Variants in PTPRN2 observed in about 807,000 individuals in gnomAD.
PTPRN2 encodes the protein protein tyrosine phosphatase receptor type N2, also known as receptor-type tyrosine-protein phosphatase N2.
Under a neutral mutation model 118.8 loss-of-function variants are expected in PTPRN2, and 74 were observed. The ratio of observed to expected loss-of-function variants is 0.62; its 90% CI spans 0.52 to 0.76. The LOEUF is 0.76. Among genes scored for constraint, PTPRN2 ranks in the 30% least tolerant of loss-of-function variants. The probability of loss-of-function intolerance (pLI) is 0.00; values close to 1 mark genes in which losing one functional copy is unlikely to be tolerated. For synonymous variants in PTPRN2, 641 were observed against 608.0 expected (o/e 1.05, Z -0.80); for missense variants, 1,481 against 1,394.4 (o/e 1.06, Z -0.99).
intron 1 of PTPRN2, among the ~76,000 whole-genome samples, chr7:158,554,128 T>TG (rs1332383433): frequency 6.6e-6 from 1 of 152,168 alleles, no homozygotes; most frequent in African/African-American, 2.4e-5. Flanking sequence ...TAGCCGGATG[T>TG]GGTGGCATGT....
chr7:158,530,274 A>G (rs1442930998), intron 1 of PTPRN2, among the ~76,000 whole-genome samples: 1 of 152,252 alleles, frequency 6.6e-6, no homozygotes, highest in African/African-American at 2.4e-5. Flanking sequence ...AATTAAGTGA[A>G]GCAATGAAAT....
rs1802181628 is a variant in PTPRN2 at position 157,609,189 on chromosome 7, T to A, written c.2345-5114A>T. Reference sequence around the variant, plus strand: ...CCTGAGGTCAGGAGTTCGAGACCAGTCTGGCCAAAGTGGCAAAACCACGTC... The same window carrying A: ...CCTGAGGTCAGGAGTTCGAGACCAGACTGGCCAAAGTGGCAAAACCACGTC... On this transcript the variant is annotated intron_variant, in intron 15 of 22. Transcript: ENST00000389418. This position sits in a 1 kb window ranked among gnomAD's most constrained non-coding sequence, Gnocchi z 4.9. Among the ~76,000 whole-genome samples the A allele has an allele frequency of 1.3e-5, 2 of 152,086 alleles. No individual in the cohort carries two copies. The highest frequency in any genetic ancestry group is 1.3e-4 in the Admixed American group (2 of 15,250).
At chr7:158,044,989 C>A (rs1808740663) in intron 11 of PTPRN2, among the ~76,000 whole-genome samples, 3 of 152,194 alleles carry the variant, frequency 2.0e-5, no homozygotes, top group Admixed American at 1.3e-4. Context: ...AGAGTTATGT[C>A]AATAACCACT....
intron 11 of PTPRN2, among the ~76,000 whole-genome samples, chr7:158,020,179 G>A (rs1364601275): frequency 6.6e-6 from 1 of 152,288 alleles, no homozygotes; most frequent in African/African-American, 2.4e-5. Flanking sequence ...GCCCGTTATT[G>A]CTGCCACTGT....
At chr7:157,777,684 A>G (rs1486205846) in intron 12 of PTPRN2, among the ~76,000 whole-genome samples, 3 of 152,276 alleles carry the variant, frequency 2.0e-5, no homozygotes, top group African/African-American at 7.2e-5. Context: ...CACAGCAGTC[A>G]TTCCTGGGCT....
At chr7:158,398,367 G>A (rs1311988075) in intron 2 of PTPRN2, among the ~76,000 whole-genome samples, 1 of 152,156 alleles carries the variant, frequency 6.6e-6, no homozygotes, top group Non-Finnish European at 1.5e-5. Context: ...CAATGCCGAG[G>A]GCAGCTGCCT....
rs1175221864 is a variant in PTPRN2, at chr7:158,556,531, C to T, written c.112+31027G>A. 5.5e-5 allele frequency among the ~76,000 whole-genome samples: 8 copies of T among 145,422 alleles called. No homozygotes were observed. The South Asian group carries it at 1.1e-3, about 20-fold the overall frequency. On this transcript the variant is annotated intron_variant, in intron 1 of 22. Coordinates refer to ENST00000389418, the MANE Select transcript of PTPRN2 (RefSeq NM_002847.5). ...CCACACCACTGCACTCCAGCCTGGG[C>T]GACAGAGCAAAACTCTGTTTCAAAA...
chr7:158,033,636 C>A (rs1343261118), intron 11 of PTPRN2, among the ~76,000 whole-genome samples: 1 of 152,308 alleles, frequency 6.6e-6, no homozygotes, highest in Middle Eastern at 3.4e-3. Context: ...ATCCCTCACA[C>A]CAATGTAATG....
chr7:157,637,297 A>C lies in PTPRN2; in HGVS notation c.2197-15788T>G, dbSNP rs191161147. Among the ~76,000 whole-genome samples the C allele has an allele frequency of 3.9e-5, 6 of 152,354 alleles. No individual in the cohort carries two copies. The East Asian group carries it at 1.2e-3, about 29-fold the overall frequency. ...AAACAGTTCATGAAATGCAACCTTT[A>C]CGTAACTAAGCCCTGAAGAGGTCTC... On this transcript the variant is annotated intron_variant, in intron 14 of 22. Coordinates refer to ENST00000389418, the MANE Select transcript of PTPRN2 (RefSeq NM_002847.5).
chr7:157,589,330 C>T (rs1171594897), intron 17 of PTPRN2, among the ~76,000 whole-genome samples: 1 of 152,264 alleles, frequency 6.6e-6, no homozygotes, highest in African/African-American at 2.4e-5. Flanking sequence ...TTTCTTCCCC[C>T]AGCCCCCTTT....
chr7:158,444,807 C>T (rs1002604189), intron 2 of PTPRN2, among the ~76,000 whole-genome samples: 8 of 152,238 alleles, frequency 5.3e-5, no homozygotes, highest in Non-Finnish European at 8.8e-5. Flanking sequence ...TCCTCTCCTA[C>T]GGCCATTTTT....
At chr7:157,862,768 G>A (rs116962431) in intron 12 of PTPRN2, 2,885 of 149,926 alleles carry the variant, frequency 0.019, 59 homozygotes, top group South Asian at 0.074. Flanking sequence ...CGGATGCCAC[G>A]TGCACAGACC....
At chr7:157,542,953 C>T (rs999254607) in intron 22 of PTPRN2, among the ~76,000 whole-genome samples, 9 of 152,110 alleles carry the variant, frequency 5.9e-5, no homozygotes, top group South Asian at 2.1e-4. Flanking sequence ...CAGCTGCATG[C>T]GGCGCCGGGA....
At chr7:157,933,671 A>AG (rs1799527001) in intron 11 of PTPRN2, among the ~76,000 whole-genome samples, 1 of 149,584 alleles carries the variant, frequency 6.7e-6, no homozygotes, top group Admixed American at 6.6e-5. Flanking sequence ...TCTGATTGAC[A>AG]CTTTTAGAGG....
intron 2 of PTPRN2, among the ~76,000 whole-genome samples, chr7:158,472,249 C>T (rs1444205870): frequency 6.6e-6 from 1 of 152,102 alleles, no homozygotes; most frequent in African/African-American, 2.4e-5. Flanking sequence ...ATTCCGTGGG[C>T]CTTTGAGAAG....
intron 12 of PTPRN2, among the ~76,000 whole-genome samples, chr7:157,791,471 G>A (rs1804490197): frequency 6.6e-6 from 1 of 152,122 alleles, no homozygotes; most frequent in Non-Finnish European, 1.5e-5. Flanking sequence ...GCATGTATGT[G>A]CCCGGGTCCC....
intron 11 of PTPRN2, among the ~76,000 whole-genome samples, chr7:158,070,340 C>CT (rs1310973714): frequency 1.8e-5 from 2 of 108,382 alleles, no homozygotes; most frequent in Admixed American, 2.1e-4. Context: ...TGTGGAGGTG[C>CT]CCGTGGTGGT....
chr7:157,717,069 A>AACACTGCCTGGCCACGTAGACTCTGCG (rs1563032551), intron 12 of PTPRN2, among the ~76,000 whole-genome samples: 1 of 90,388 alleles, frequency 1.1e-5, no homozygotes, highest in African/African-American at 3.9e-5. Context: ...TAGACTCTGC[A>AACACTGCCTGGCCACGTAGACTCTGCG]GGAACACTGC....
chr7:158,543,117 T>C (rs1826084257), intron 1 of PTPRN2, among the ~76,000 whole-genome samples: 1 of 152,286 alleles, frequency 6.6e-6, no homozygotes, highest in Non-Finnish European at 1.5e-5. Context: ...AAAGGTCTTC[T>C]GCTTTAAAAA....
Sources: gnomAD v4.1 joint callset for allele counts (sites outside exome capture counted in the v4.1 genomes callset) on GRCh38, gnomAD v4.1.1 for gene constraint, Gnocchi (gnomAD v3.1) non-coding constraint, MANE v1.5 for transcripts, NCBI Gene and HGNC (gene_info 2026-07-23, HGNC 2026-07-21) for gene names.